EPN2: variants seen among roughly 807,000 people sequenced by gnomAD.
EPN2 encodes the protein epsin-2.
In EPN2, 34 loss-of-function variants were observed where a neutral mutation model predicts 61.7. The observed-to-expected ratio is 0.55, with a 90% confidence interval of 0.42 to 0.73. The LOEUF (loss-of-function observed/expected upper bound fraction) is 0.73. EPN2 is among the 30% of genes least tolerant of loss of function. EPN2 has a pLI of 0.00. For missense variants in EPN2, 714 were observed against 839.2 expected (o/e 0.85, Z 1.84); for synonymous variants, 349 against 353.6 (o/e 0.99, Z 0.15).
At chr17:19,278,253 G>C (rs2045327940) in intron 1 of EPN2, among the ~76,000 whole-genome samples, 1 of 152,064 alleles carries the variant, frequency 6.6e-6, no homozygotes, top group Non-Finnish European at 1.5e-5. Context: ...TGGGATTACA[G>C]ACATGAGCCA....
Position 19,334,093 on chromosome 17 carries a change from G to T in EPN2, c.1765G>T (p.Ala589Ser), listed in dbSNP as rs775505509. Residue 589 changes from alanine to serine, a missense_variant, in exon 11 of 11, where the codon GCT becomes TCT. Ala to Ser is a moderately conservative substitution (Grantham distance 99). Around this residue, in one of 2 missense-constraint regions of EPN2, gnomAD observed 410 missense variants for 421.8 expected, o/e 0.97. Coordinates refer to ENST00000314728, the MANE Select transcript of EPN2 (RefSeq NM_014964.5). This position sits in a 1 kb window ranked among gnomAD's most constrained non-coding sequence, Gnocchi z 4.9. ...FGPGPGVESMAVASMTSAAPQ... is the reference protein window; with the variant it reads ...FGPGPGVESMSVASMTSAAPQ... The stretch of plus-strand genomic sequence containing the variant: ...GCCTGGCCCAGGAGTGGAGTCCATG[G>T]CTGTGGCCTCGATGACCTCCGCGGC... The T allele has an allele frequency of 6.2e-7, 1 of 1,609,868 alleles. No individual in the cohort carries two copies. Among genetic ancestry groups the T allele is most frequent in the South Asian group, 1.1e-5 (1 of 90,122 alleles).
At chr17:19,272,510 C>T (rs893228943) in intron 1 of EPN2, among the ~76,000 whole-genome samples, 3 of 152,050 alleles carry the variant, frequency 2.0e-5, no homozygotes, top group Non-Finnish European at 4.4e-5. Flanking sequence ...GCCTTTGGGA[C>T]TGAAGGATTT....
intron 1 of EPN2, among the ~76,000 whole-genome samples, chr17:19,254,590 G>A (rs1355560012): frequency 6.6e-6 from 1 of 152,052 alleles, no homozygotes. Flanking sequence ...TATATATAAT[G>A]TTAGTATGTA....
At chr17:19,312,194 G>A (rs774184271) in intron 6 of EPN2, 50 bp downstream of exon 6, 1 of 1,341,594 alleles carries the variant, frequency 7.5e-7, no homozygotes, top group Non-Finnish European at 1.1e-6. Context: ...TGTAGTTGTT[G>A]CCTCAATATC....
intron 1 of EPN2, among the ~76,000 whole-genome samples, chr17:19,281,397 T>TA (rs2045357780): frequency 6.6e-6 from 1 of 152,232 alleles, no homozygotes; most frequent in Non-Finnish European, 1.5e-5. Flanking sequence ...GAAGACCAAA[T>TA]ACATATTTCA....
At position 19,332,051 on chromosome 17, in the gene EPN2, A is replaced by G; in HGVS notation, c.1610A>G (p.Asn537Ser). ...CCTGCCCCACCAGCCCAGTCCCTCAACCCTTTCCTGGCACCAGGTAGGCTC... is the reference window on the plus strand; with the variant it reads ...CCTGCCCCACCAGCCCAGTCCCTCAGCCCTTTCCTGGCACCAGGTAGGCTC... ...TRPAPPAQSL[N>S]PFLAPGAPAT... Residue 537 changes from asparagine (N) to serine (S), a missense_variant, in exon 10 of 11, where the codon AAC becomes AGC. By Grantham distance (46) the Asn-to-Ser change is conservative. This residue lies in a region of EPN2 where 410 missense variants were observed against 421.8 expected (regional missense o/e 0.97). Coordinates refer to ENST00000314728, the MANE Select transcript of EPN2 (RefSeq NM_014964.5). The G allele has an allele frequency of 2.5e-6, 4 of 1,609,894 alleles. No homozygotes were observed. The highest frequency in any genetic ancestry group is 3.4e-6 in the Non-Finnish European group (4 of 1,179,308).
At chr17:19,304,670 T>C (rs915846790) in intron 4 of EPN2, among the ~76,000 whole-genome samples, 3 of 152,186 alleles carry the variant, frequency 2.0e-5, no homozygotes, top group African/African-American at 7.2e-5. Context: ...GGTAGGTCAG[T>C]TGTTTACCTC....
intron 4 of EPN2, among the ~76,000 whole-genome samples, chr17:19,291,766 G>A (rs1003028842): frequency 6.6e-6 from 1 of 152,162 alleles, no homozygotes; most frequent in Non-Finnish European, 1.5e-5. Flanking sequence ...TGGGGACTTG[G>A]TAGAATTTGA....
chr17:19,297,011 A>G (rs1343874690), intron 4 of EPN2: 1 of 152,254 alleles, frequency 6.6e-6, no homozygotes, highest in African/African-American at 2.4e-5. Flanking sequence ...ACATTGAAAC[A>G]GAAGCATTTT....
rs951824107 is a variant in EPN2 at position 19,312,818 on chromosome 17, C to T, written c.973-287C>T. ...GGAGGGATGGCGTTCTGGAGGAGGTCCACAGCCTGGGCAGAAGCCAGTGTT... is the reference window on the plus strand; with the variant it reads ...GGAGGGATGGCGTTCTGGAGGAGGTTCACAGCCTGGGCAGAAGCCAGTGTT... On this transcript the variant is annotated intron_variant, in intron 6 of 10. Transcript: ENST00000314728. The T allele has an allele frequency of 6.7e-5, 25 of 371,598 alleles. No homozygotes were observed. In the Admixed American group the frequency reaches 8.4e-4, roughly 12 times the overall value. The allele number at this position is 371,598 out of a possible 1,614,324, so 23.0% of individuals were successfully genotyped here. A position where few individuals can be genotyped will look rare whatever the true frequency, so the allele number is the denominator to read the frequency against.
At chr17:19,319,764 C>T (rs1441147201) in intron 7 of EPN2, among the ~76,000 whole-genome samples, 1 of 152,164 alleles carries the variant, frequency 6.6e-6, no homozygotes, top group Non-Finnish European at 1.5e-5. Flanking sequence ...TCTCCTGCCT[C>T]AGCCTCCCAA....
At chr17:19,257,193 T>C (rs1174070640) in intron 1 of EPN2, among the ~76,000 whole-genome samples, 1 of 152,190 alleles carries the variant, frequency 6.6e-6, no homozygotes, top group Non-Finnish European at 1.5e-5. Context: ...TTAGCTATTT[T>C]GTCTTTGAAC....
intron 4 of EPN2, among the ~76,000 whole-genome samples, chr17:19,289,230 G>C (rs932017953): frequency 2.0e-5 from 3 of 151,678 alleles, no homozygotes; most frequent in African/African-American, 7.3e-5. Flanking sequence ...GACTACAGGC[G>C]CCCGCCACCA....
chr17:19,293,598 G>A (rs1415182948), intron 4 of EPN2, among the ~76,000 whole-genome samples: 1 of 133,240 alleles, frequency 7.5e-6, no homozygotes, highest in Non-Finnish European at 1.5e-5. Context: ...TTGCCACGTT[G>A]CCCAGGCTGA....
At chr17:19,282,646 C>G (rs1386706205) in intron 2 of EPN2, 1 of 154,334 alleles carries the variant, frequency 6.5e-6, no homozygotes, top group African/African-American at 2.4e-5. Context: ...GTTTCCGATT[C>G]TTCCACAGCT....
intron 1 of EPN2, among the ~76,000 whole-genome samples, chr17:19,274,797 T>C (rs1443246381): frequency 6.6e-6 from 1 of 152,170 alleles, no homozygotes; most frequent in African/African-American, 2.4e-5. Flanking sequence ...CCACCCAGCA[T>C]CTCAAGCCTT....
rs1386719588 is a variant in EPN2 at position 19,281,997 on chromosome 17, C to T, written c.-251C>T. 2 of 152,200 alleles carry T rather than the reference C, an allele frequency of 1.3e-5. No homozygotes were observed. Among genetic ancestry groups the T allele is most frequent in the Admixed American group, 1.3e-4 (2 of 15,266 alleles). 9.4% of individuals were successfully genotyped at this position (152,200 alleles called of 1,614,324 possible). A position where few individuals can be genotyped will look rare whatever the true frequency, so the allele number is the denominator to read the frequency against. On this transcript the variant is annotated 5_prime_UTR_variant, in exon 2 of 11. Coordinates refer to ENST00000314728, the MANE Select transcript of EPN2 (RefSeq NM_014964.5). ...GGCACAGTGCTAAGTGCTGGGTGCT[C>T]ACTGGTGATGAGGCAGATGAAGGTT...
intron 10 of EPN2, 131 bp downstream of exon 10, chr17:19,332,199 C>T (rs904353307): frequency 8.6e-6 from 6 of 696,598 alleles, no homozygotes; most frequent in Admixed American, 5.0e-5. Flanking sequence ...TAGATGATTA[C>T]GTATGCCCTC....
At chr17:19,314,284 C>A (rs923865875) in intron 7 of EPN2, among the ~76,000 whole-genome samples, 13 of 150,396 alleles carry the variant, frequency 8.6e-5, no homozygotes, top group African/African-American at 3.2e-4. Context: ...TTGAGAGCAT[C>A]CTGGGATGAG....
Sources: gnomAD v4.1 joint callset for allele counts (sites outside exome capture counted in the v4.1 genomes callset) on GRCh38, gnomAD v4.1.1 for gene constraint, gnomAD v4.1.1 regional missense constraint, Gnocchi (gnomAD v3.1) non-coding constraint, MANE v1.5 for transcripts, NCBI Gene and HGNC (gene_info 2026-07-23, HGNC 2026-07-21) for gene names.